The following LMTK2 variants were observed in gnomAD, a reference collection of about 807,000 sequenced individuals.
LMTK2 encodes lemur tail kinase 2.
Under a neutral mutation model 127.5 loss-of-function variants are expected in LMTK2, and 37 were observed. That is an observed-to-expected ratio of 0.29 (90% CI 0.22 to 0.38). The LOEUF (loss-of-function observed/expected upper bound fraction) is 0.38, where lower values mean the gene tolerates loss of function less well. Ranked by LOEUF, LMTK2 falls within the 10% of genes least tolerant of loss-of-function variation. The probability of loss-of-function intolerance (pLI) is 1.00; values close to 1 mark genes in which losing one functional copy is unlikely to be tolerated. For missense variants in LMTK2, 1,694 were observed against 1,920.3 expected, an observed-to-expected ratio of 0.88 and a Z score of 2.20; for synonymous variants, 819 against 810.1, an observed-to-expected ratio of 1.01 and a Z score of -0.19.
At chr7:98,204,302 G>A in intron 13 of LMTK2, 116 bp downstream of exon 13, 1 of 1,358,000 alleles carries the variant, frequency 7.4e-7, no homozygotes, top group Non-Finnish European at 1.0e-6. Flanking sequence ...CATTTGCTGA[G>A]TAGATTACAA....
intron 11 of LMTK2, among the ~76,000 whole-genome samples, chr7:98,196,252 G>A (rs1028100996): frequency 6.6e-6 from 1 of 151,850 alleles, no homozygotes; most frequent in African/African-American, 2.4e-5. Context: ...ATTCTGCGAG[G>A]GGCCAGGAGG....
intron 6 of LMTK2, among the ~76,000 whole-genome samples, chr7:98,161,670 T>C (rs1797018412): frequency 6.6e-6 from 1 of 152,154 alleles, no homozygotes; most frequent in South Asian, 2.1e-4. Context: ...TTTATGATCT[T>C]AGGTTATTGT....
intron 1 of LMTK2, 151 bp downstream of exon 1, chr7:98,107,431 C>T: frequency 6.3e-6 from 1 of 159,152 alleles, no homozygotes. Flanking sequence ...AGATTTCTGC[C>T]GCAGGGGCGT....
At chr7:98,107,351 G>C in intron 1 of LMTK2, 71 bp downstream of exon 1, 1 of 806,914 alleles carries the variant, frequency 1.2e-6, no homozygotes, top group Non-Finnish European at 1.6e-6. Context: ...GCAGGGCCGG[G>C]CCGGCCTCGG....
In LMTK2 at chr7:98,193,419, C is replaced by T. The variant is rs766712050; in HGVS notation, c.2954C>T (p.Ala985Val). 2 of 1,614,172 alleles carry T rather than the reference C, an allele frequency of 1.2e-6. No individual in the cohort carries two copies. The highest frequency in any genetic ancestry group is 2.2e-5 in the South Asian group (2 of 91,088). The change falls in exon 11 of 14, where the codon GCA (alanine) becomes GTA (valine). Residue 985 changes from alanine to valine, a missense_variant. Ala to Val is a moderately conservative substitution (Grantham distance 64). This residue lies in a region of LMTK2 where 527 missense variants were observed against 539.8 expected (regional missense o/e 0.98). Coordinates refer to ENST00000297293, the MANE Select transcript of LMTK2 (RefSeq NM_014916.4). The surrounding 1 kb of genome is among the most constrained non-coding windows in gnomAD (Gnocchi z 4.1). ...QDSLLEDSLS[A>V]PFPASEPSLE... is the part of the protein sequence containing the mutation. ...AGCCTCCTGGAGGACAGCTTGTCAG[C>T]ACCCTTCCCAGCCTCTGAGCCGTCC...
intron 7 of LMTK2, among the ~76,000 whole-genome samples, chr7:98,173,307 T>G (rs1797222242): frequency 7.9e-6 from 1 of 127,348 alleles, no homozygotes; most frequent in Non-Finnish European, 1.6e-5. Flanking sequence ...TGGTAAAGTG[T>G]TTTTTTTTTT....
At chr7:98,188,963 A>T (rs981554849) in intron 9 of LMTK2, among the ~76,000 whole-genome samples, 1 of 152,070 alleles carries the variant, frequency 6.6e-6, no homozygotes, top group Non-Finnish European at 1.5e-5. Flanking sequence ...TTTGCACTGT[A>T]GTCTCCCATA....
chr7:98,155,741 A>C (rs1454426391), intron 5 of LMTK2, among the ~76,000 whole-genome samples: 1 of 152,226 alleles, frequency 6.6e-6, no homozygotes, highest in Non-Finnish European at 1.5e-5. Flanking sequence ...CAGAAAACTA[A>C]GAGAATTTAT....
intron 7 of LMTK2, among the ~76,000 whole-genome samples, chr7:98,180,882 C>G (rs1797344642): frequency 6.6e-6 from 1 of 152,112 alleles, no homozygotes; most frequent in Non-Finnish European, 1.5e-5. Flanking sequence ...AGGAAACACT[C>G]TTTCAGGTCG....
At chr7:98,138,335 C>T (rs1796625562) in intron 2 of LMTK2, among the ~76,000 whole-genome samples, 1 of 152,152 alleles carries the variant, frequency 6.6e-6, no homozygotes, top group African/African-American at 2.4e-5. Context: ...GACATGGGGC[C>T]CTGGTCTTTA....
chr7:98,106,975 G>A lies in LMTK2; in HGVS notation c.-203G>A, dbSNP rs1584235177. The A allele has an allele frequency of 2.2e-6, 1 of 461,060 alleles. No homozygotes were observed. The highest frequency in any genetic ancestry group is 3.5e-5 in the East Asian group (1 of 28,256). The allele number at this position is 461,060 out of a possible 1,614,324, so 28.6% of individuals were successfully genotyped here. On this transcript the variant is annotated 5_prime_UTR_variant, in exon 1 of 14. Coordinates refer to ENST00000297293, the MANE Select transcript of LMTK2 (RefSeq NM_014916.4). ...GGCGGCGGCGGCGGCGCAGGCGGGC[G>A]GGAAGGATGGTGTTTCTGCGACTGG...
At chr7:98,107,311 CG>C (rs1796124213) in intron 1 of LMTK2, 31 bp downstream of exon 1, 3 of 986,906 alleles carry the variant, frequency 3.0e-6, no homozygotes, top group African/African-American at 2.1e-5. Context: ...GACGGGGCTG[CG>C]GGGTCTTCGG....
chr7:98,182,505 G>A (rs193166572), intron 7 of LMTK2, among the ~76,000 whole-genome samples: 239 of 152,294 alleles, frequency 1.6e-3, no homozygotes, highest in African/African-American at 5.5e-3. Context: ...TGATCATTAG[G>A]AAAATCCAAG....
chr7:98,192,763 T>C lies in LMTK2; in HGVS notation c.2298T>C (p.Ser766=). The change falls in exon 11 of 14, where the codon TCT becomes TCC. Residue 766 remains serine, a synonymous_variant. Coordinates refer to ENST00000297293, the MANE Select transcript of LMTK2 (RefSeq NM_014916.4). ...EAMLETSCRN[S]LDTELQFAEN... ...TGTTAGAAACGTCATGTAGAAACTCTTTAGATACTGAGCTTCAGTTTGCTG... is the reference window on the plus strand; with the variant it reads ...TGTTAGAAACGTCATGTAGAAACTCCTTAGATACTGAGCTTCAGTTTGCTG... 1 of 1,613,838 alleles carries C rather than the reference T, an allele frequency of 6.2e-7. No individual in the cohort carries two copies. The highest frequency in any genetic ancestry group is 8.5e-7 in the Non-Finnish European group (1 of 1,179,840).
chr7:98,128,225 C>A (rs976568442), intron 1 of LMTK2, among the ~76,000 whole-genome samples: 2 of 152,082 alleles, frequency 1.3e-5, no homozygotes, highest in African/African-American at 4.8e-5. Flanking sequence ...TGAGTTTTAC[C>A]CCTCCATGTA....
At chr7:98,107,811 A>G (rs1796136621) in intron 1 of LMTK2, among the ~76,000 whole-genome samples, 1 of 152,212 alleles carries the variant, frequency 6.6e-6, no homozygotes. Context: ...GGAAACAACT[A>G]TAAATATTTC....
At chr7:98,154,168 C>G (rs1796894508) in intron 4 of LMTK2, among the ~76,000 whole-genome samples, 1 of 152,122 alleles carries the variant, frequency 6.6e-6, no homozygotes. Context: ...GTAGCTAGTT[C>G]TCATGTGAGG....
chr7:98,203,203 T>G (rs565968009), intron 11 of LMTK2, among the ~76,000 whole-genome samples: 2 of 152,352 alleles, frequency 1.3e-5, no homozygotes, highest in South Asian at 4.1e-4. Flanking sequence ...GAGCACTGTG[T>G]CCAGGGCAGT....
rs1157169894 is a variant in LMTK2, at chr7:98,107,182, C to T, written c.5C>T (p.Pro2Leu). The T allele has an allele frequency of 6.9e-6, 10 of 1,447,620 alleles. No individual in the cohort carries two copies. The highest frequency in any genetic ancestry group is 3.0e-5 in the East Asian group (1 of 33,632). The allele number at this position is 1,447,620 out of a possible 1,614,324, so 89.7% of individuals were successfully genotyped here. ...CGGAGCCGCGCCGTGGGCGAGATGC[C>T]GGGGCCGCCGGCGTTGCGGCGGAGG... M[P>L]GPPALRRRLL... The change falls in exon 1 of 14, where the codon CCG (proline) becomes CTG (leucine). Residue 2 changes from proline to leucine, a missense_variant. This residue lies in a region of LMTK2 where 76 missense variants were observed against 82.0 expected (regional missense o/e 0.93). Coordinates refer to ENST00000297293, the MANE Select transcript of LMTK2 (RefSeq NM_014916.4).
Sources: gnomAD v4.1 joint callset for allele counts (sites outside exome capture counted in the v4.1 genomes callset) on GRCh38, gnomAD v4.1.1 for gene constraint, gnomAD v4.1.1 regional missense constraint, Gnocchi (gnomAD v3.1) non-coding constraint, MANE v1.5 for transcripts, NCBI Gene and HGNC (gene_info 2026-07-23, HGNC 2026-07-21) for gene names.